The following CTF1 variants were observed in gnomAD, a reference collection of about 807,000 sequenced individuals.
CTF1 encodes cardiotrophin-1.
Under a neutral mutation model 10.9 loss-of-function variants are expected in CTF1, and 9 were observed. That is an observed-to-expected ratio of 0.83 (90% confidence interval 0.50 to 1.44). The LOEUF (loss-of-function observed/expected upper bound fraction) is 1.44. CTF1 is among the 40% of genes most tolerant of loss of function. The pLI, the probability that CTF1 is intolerant of heterozygous loss-of-function variation, is 0.00. For missense variants in CTF1, 259 were observed against 275.3 expected (o/e 0.94, Z 0.42); for synonymous variants, 133 against 138.8 (o/e 0.96, Z 0.29).
chr16:30,896,525 T>C (rs1369671489), upstream of CTF1: 7 of 914,796 alleles, frequency 7.7e-6, no homozygotes, highest in Non-Finnish European at 1.0e-5. Flanking sequence ...GGGGGTAGGA[T>C]GAAATGTTTG....
At chr16:30,896,515 G>C (rs544600313), upstream of CTF1, 641 of 836,752 alleles carry the variant, frequency 7.7e-4, 5 homozygotes, top group African/African-American at 9.3e-3. Flanking sequence ...TCTCAAAAGG[G>C]GGGGTAGGAT....
At position 30,902,170 on chromosome 16, in the gene CTF1, G is replaced by A; in HGVS notation, c.237G>A (p.Ala79=). Residue 79 remains alanine, a synonymous_variant, in exon 3 of 3, where the codon GCG becomes GCA. Coordinates refer to ENST00000279804, the MANE Select transcript of CTF1 (RefSeq NM_001330.5). ...TGAGCGCCCCGGCTCCGAGCCACGC[G>A]GGGCTGCCAGTGCACGAGCGGCTGC... ...AGLSAPAPSH[A]GLPVHERLRL... is the part of the protein sequence containing the mutation. The A allele has an allele frequency of 7.9e-7, 1 of 1,267,548 alleles. No homozygotes were observed. The highest frequency in any genetic ancestry group is 9.9e-7 in the Non-Finnish European group (1 of 1,007,704). The allele number at this position is 1,267,548 out of a possible 1,614,324, so 78.5% of individuals were successfully genotyped here. A position where few individuals can be genotyped will look rare whatever the true frequency, so the allele number is the denominator to read the frequency against.
At chr16:30,898,060 A>G (rs2055369298) in intron 1 of CTF1, among the ~76,000 whole-genome samples, 1 of 149,796 alleles carries the variant, frequency 6.7e-6, no homozygotes, top group African/African-American at 2.5e-5. Context: ...ATGAGGTTTC[A>G]TCATGTTGGC....
At chr16:30,897,662 T>A (rs2055365793) in intron 1 of CTF1, among the ~76,000 whole-genome samples, 2 of 152,106 alleles carry the variant, frequency 1.3e-5, no homozygotes, top group Non-Finnish European at 2.9e-5. Context: ...ATTTTTAGCC[T>A]GGGCAACATG....
chr16:30,899,887 G>C (rs950230855), intron 2 of CTF1, among the ~76,000 whole-genome samples: 7 of 152,152 alleles, frequency 4.6e-5, no homozygotes, highest in Non-Finnish European at 8.8e-5. Context: ...AAGTAGGTGG[G>C]GCCACAGGCA....
chr16:30,902,421 C>T lies in CTF1; in HGVS notation c.488C>T (p.Ser163Phe). Residue 163 changes from serine (S) to phenylalanine (F), a missense_variant, in exon 3 of 3, where the codon TCC becomes TTC. Physicochemically the swap from Ser to Phe is radical, Grantham distance 155. Transcript: ENST00000279804. ...EPPAATASAA[S>F]ATGVFPAKVL... is the part of the protein sequence containing the mutation. Reference sequence around the variant, plus strand: ...CCCGCCGCCACCGCCTCAGCCGCCTCCGCCACCGGGGTCTTCCCCGCCAAG... The same window carrying T: ...CCCGCCGCCACCGCCTCAGCCGCCTTCGCCACCGGGGTCTTCCCCGCCAAG... The T allele has an allele frequency of 7.3e-7, 1 of 1,375,214 alleles. No homozygotes were observed. The highest frequency in any genetic ancestry group is 1.6e-5 in the South Asian group (1 of 63,340). The allele number at this position is 1,375,214 out of a possible 1,614,324, so 85.2% of individuals were successfully genotyped here. A position where few individuals can be genotyped will look rare whatever the true frequency, so the allele number is the denominator to read the frequency against.
At chr16:30,899,298 T>G (rs1162168850) in intron 1 of CTF1, 117 bp from the exon 2 acceptor site, 2 of 794,646 alleles carry the variant, frequency 2.5e-6, no homozygotes, top group Non-Finnish European at 4.6e-6. Flanking sequence ...GTGCCTCATT[T>G]TCCTTCAGTT....
At chr16:30,899,612 C>T in intron 2 of CTF1, 79 bp downstream of exon 2, 1 of 846,856 alleles carries the variant, frequency 1.2e-6, no homozygotes, top group South Asian at 1.7e-5. Context: ...ATCACCCATT[C>T]TCTCAACCTC....
In CTF1 at chr16:30,902,061, C is replaced by A; in HGVS notation, c.145-17C>A. On this transcript the variant is annotated splice_polypyrimidine_tract_variant and intron_variant, in intron 2 of 2. Transcript: ENST00000279804. ...GTGCTCCGGGGCCCCGCTGACCCGC[C>A]GGCCGTGTCTCCGCAGGTGCAGCTC... 6.9e-7 allele frequency: 1 copy of A among 1,446,542 alleles called. No individual in the cohort carries two copies. Among genetic ancestry groups the A allele is most frequent in the Non-Finnish European group, 9.1e-7 (1 of 1,098,464 alleles). 89.6% of individuals were successfully genotyped at this position (1,446,542 alleles called of 1,614,324 possible). A position where few individuals can be genotyped will look rare whatever the true frequency, so the allele number is the denominator to read the frequency against.
intron 2 of CTF1, among the ~76,000 whole-genome samples, chr16:30,900,253 C>A (rs970602312): frequency 6.6e-6 from 1 of 152,198 alleles, no homozygotes; most frequent in East Asian, 1.9e-4. Flanking sequence ...TCACAGAAGA[C>A]AGGGATCTGC....
chr16:30,897,337 G>T (rs1348900916), intron 1 of CTF1, among the ~76,000 whole-genome samples: 1 of 152,168 alleles, frequency 6.6e-6, no homozygotes, highest in Non-Finnish European at 1.5e-5. Flanking sequence ...TGTAAAATGG[G>T]CCTTCAAGGC....
chr16:30,902,398 C>T lies in CTF1; in HGVS notation c.465C>T (p.Pro155=). 1.6e-6 allele frequency: 2 copies of T among 1,263,286 alleles called. No individual in the cohort carries two copies. Among genetic ancestry groups the T allele is most frequent in the African/African-American group, 1.6e-5 (1 of 63,966 alleles). The allele number at this position is 1,263,286 out of a possible 1,614,324, so 78.3% of individuals were successfully genotyped here. A position where few individuals can be genotyped will look rare whatever the true frequency, so the allele number is the denominator to read the frequency against. Residue 155 remains proline (P), a synonymous_variant, in exon 3 of 3, where the codon CCC becomes CCT. Coordinates refer to ENST00000279804, the MANE Select transcript of CTF1 (RefSeq NM_001330.5). ...AANRGPRAEP[P]AATASAASAT... is the part of the protein sequence containing the mutation. ...ACCGCGGGCCCCGGGCCGAGCCCCCCGCCGCCACCGCCTCAGCCGCCTCCG... is the reference window on the plus strand; with the variant it reads ...ACCGCGGGCCCCGGGCCGAGCCCCCTGCCGCCACCGCCTCAGCCGCCTCCG...
upstream of CTF1, among the ~76,000 whole-genome samples, chr16:30,895,861 C>A (rs2055342711): frequency 6.6e-6 from 1 of 152,148 alleles, no homozygotes; most frequent in South Asian, 2.1e-4. Context: ...CACACACGGG[C>A]CTCCTCGTCT....
Position 30,899,544 on chromosome 16 carries a change from ATGGGGG to A in CTF1, c.144+20_144+25del. ...CTGCTCCAGGAATATGTGAGTGGGAATGGGGGTGGGGGTGCCGGGGGCCTGGGGAAT... is the reference window on the plus strand; with the variant it reads ...CTGCTCCAGGAATATGTGAGTGGGAATGGGGGTGCCGGGGGCCTGGGGAAT... On this transcript the variant is annotated intron_variant, in intron 2 of 2. Transcript: ENST00000279804. 7 of 625,766 alleles carry A rather than the reference ATGGGGG, an allele frequency of 1.1e-5. No homozygotes were observed. The highest frequency in any genetic ancestry group is 1.8e-5 in the Non-Finnish European group (6 of 334,540). The allele number at this position is 625,766 out of a possible 1,614,324, so 38.8% of individuals were successfully genotyped here.
Position 30,902,764 on chromosome 16 carries a change from C to T in CTF1, c.*225C>T. 1.9e-6 allele frequency: 1 copy of T among 516,408 alleles called. No individual in the cohort carries two copies. The highest frequency in any genetic ancestry group is 3.0e-6 in the Non-Finnish European group (1 of 337,130). 32.0% of individuals were successfully genotyped at this position (516,408 alleles called of 1,614,324 possible). A position where few individuals can be genotyped will look rare whatever the true frequency, so the allele number is the denominator to read the frequency against. On this transcript the variant is annotated 3_prime_UTR_variant, in exon 3 of 3. Coordinates refer to ENST00000279804, the MANE Select transcript of CTF1 (RefSeq NM_001330.5). ...ATCCCAGCACTGCAGCCTCAACCTC[C>T]TGGGCTCAAGCCATCCTTCCGCCTC...
chr16:30,896,506 C>T (rs1018891468), upstream of CTF1: 5 of 803,972 alleles, frequency 6.2e-6, no homozygotes, highest in Admixed American at 4.3e-5. Flanking sequence ...GGAATCCTGT[C>T]TCAAAAGGGG....
intron 1 of CTF1, among the ~76,000 whole-genome samples, chr16:30,898,850 G>A (rs866391100): frequency 1.6e-4 from 25 of 152,028 alleles, no homozygotes; most frequent in African/African-American, 6.0e-4. Flanking sequence ...GTAAAGATGG[G>A]GTTTCACCAT....
intron 1 of CTF1, among the ~76,000 whole-genome samples, chr16:30,898,372 G>A (rs991990546): frequency 5.9e-5 from 9 of 152,006 alleles, no homozygotes; most frequent in Admixed American, 2.0e-4. Context: ...AGATGGTCCC[G>A]AACTCCTGAC....
chr16:30,900,256 G>C (rs1331516234), intron 2 of CTF1, among the ~76,000 whole-genome samples: 9 of 152,162 alleles, frequency 5.9e-5, no homozygotes, highest in South Asian at 2.1e-4. Context: ...CAGAAGACAG[G>C]GATCTGCTGA....
Sources: allele counts gnomAD v4.1 joint callset (sites outside exome capture counted in the v4.1 genomes callset), GRCh38; gene constraint gnomAD v4.1.1; transcripts MANE v1.5; gene names NCBI Gene and HGNC (gene_info 2026-07-23, HGNC 2026-07-21).